Variants in KIRREL1 observed in about 807,000 individuals in gnomAD.
KIRREL1 encodes kirre like nephrin family adhesion molecule 1, also known as kin of IRRE-like protein 1.
Under a neutral mutation model 83.3 loss-of-function variants are expected in KIRREL1, and 25 were observed. That is an observed-to-expected ratio of 0.30 (90% CI 0.22 to 0.42). The LOEUF (loss-of-function observed/expected upper bound fraction) is 0.42, where lower values mean the gene tolerates loss of function less well. KIRREL1 is among the 10% of genes least tolerant of loss of function. The pLI, the probability that KIRREL1 is intolerant of heterozygous loss-of-function variation, is 1.00. For synonymous variants in KIRREL1, 388 were observed against 410.4 expected, an observed-to-expected ratio of 0.95 and a Z score of 0.66; for missense variants, 812 against 1,032.3, an observed-to-expected ratio of 0.79 and a Z score of 2.92.
In KIRREL1 at chr1:158,096,999, GGACCAGATAA is replaced by G; in HGVS notation, c.*1880_*1889del. Reference sequence around the variant, plus strand: ...ATTCCTGGCCAACCCCTTGTAGGAAGGACCAGATAATACCCAGGAAGCAAGTAGCTCTAAT... The same window carrying G: ...ATTCCTGGCCAACCCCTTGTAGGAAGTACCCAGGAAGCAAGTAGCTCTAAT... On this transcript the variant is annotated 3_prime_UTR_variant, in exon 15 of 15. Transcript: ENST00000359209. 1 of 456,926 alleles carries G rather than the reference GGACCAGATAA, an allele frequency of 2.2e-6. No homozygotes were observed. The highest frequency in any genetic ancestry group is 4.4e-6 in the Non-Finnish European group (1 of 227,018). The allele number at this position is 456,926 out of a possible 1,614,324, so 28.3% of individuals were successfully genotyped here.
At chr1:158,014,739 C>T (rs1035124119) in intron 1 of KIRREL1, among the ~76,000 whole-genome samples, 1 of 149,994 alleles carries the variant, frequency 6.7e-6, no homozygotes, top group Non-Finnish European at 1.5e-5. Flanking sequence ...AACTTCTTGA[C>T]GCTGAATTGC....
At chr1:158,077,594 C>T (rs533157211) in intron 2 of KIRREL1, among the ~76,000 whole-genome samples, 1 of 152,294 alleles carries the variant, frequency 6.6e-6, no homozygotes, top group East Asian at 1.9e-4. Context: ...CAGAGGTGCT[C>T]CCATGAGCTC....
Position 158,080,000 on chromosome 1 carries a change from C to A in KIRREL1, c.352+1860C>A, listed in dbSNP as rs574420999. Among the ~76,000 whole-genome samples the A allele has an allele frequency of 2.1e-4, 32 of 152,156 alleles. No homozygotes were observed. The South Asian group carries it at 6.7e-3, about 32-fold the overall frequency. ...GATGATTTGCTTTTCCTCTCTAGGACTAAAATGGAAAGAATTAGCAAGGAG... is the reference window on the plus strand; with the variant it reads ...GATGATTTGCTTTTCCTCTCTAGGAATAAAATGGAAAGAATTAGCAAGGAG... On this transcript the variant is annotated intron_variant, in intron 3 of 14. Coordinates refer to ENST00000359209, the MANE Select transcript of KIRREL1 (RefSeq NM_018240.7).
intron 1 of KIRREL1, among the ~76,000 whole-genome samples, chr1:158,072,229 G>A (rs985960383): frequency 6.6e-6 from 1 of 152,070 alleles, no homozygotes; most frequent in African/African-American, 2.4e-5. Context: ...CTCTACCTCG[G>A]TGGAAGTCTG....
intron 1 of KIRREL1, among the ~76,000 whole-genome samples, chr1:158,069,947 G>A (rs1558009939): frequency 2.6e-5 from 4 of 152,202 alleles, no homozygotes; most frequent in Admixed American, 2.0e-4. Flanking sequence ...GTGGCCTGAA[G>A]GTTGGTGCTT....
At chr1:158,003,569 C>G (rs1659428455) in intron 1 of KIRREL1, among the ~76,000 whole-genome samples, 2 of 152,152 alleles carry the variant, frequency 1.3e-5, no homozygotes, top group Non-Finnish European at 2.9e-5. Context: ...ATGCCTGACC[C>G]TCCCACACAC....
intron 1 of KIRREL1, among the ~76,000 whole-genome samples, chr1:158,016,630 A>C (rs1353230817): frequency 6.6e-6 from 1 of 152,186 alleles, no homozygotes; most frequent in Non-Finnish European, 1.5e-5. Flanking sequence ...TTGGTCTGCT[A>C]TTTAAATGAG....
intron 3 of KIRREL1, among the ~76,000 whole-genome samples, chr1:158,080,729 G>C (rs1474509735): frequency 6.6e-6 from 1 of 152,128 alleles, no homozygotes; most frequent in Admixed American, 6.5e-5. Flanking sequence ...TGTGACCTTA[G>C]AGGGGCCTGA....
intron 1 of KIRREL1, among the ~76,000 whole-genome samples, chr1:158,044,388 G>A (rs1047473536): frequency 3.9e-4 from 59 of 152,098 alleles, no homozygotes; most frequent in African/African-American, 1.3e-3. Context: ...AATGAGAAGC[G>A]GACAAACTGG....
chr1:158,012,314 A>T (rs1659711333), intron 1 of KIRREL1, among the ~76,000 whole-genome samples: 1 of 152,180 alleles, frequency 6.6e-6, no homozygotes, highest in Non-Finnish European at 1.5e-5. Context: ...TGGAAAAAAG[A>T]GCAAGATCTG....
At chr1:158,022,734 G>A (rs889178002) in intron 1 of KIRREL1, among the ~76,000 whole-genome samples, 13 of 152,118 alleles carry the variant, frequency 8.5e-5, no homozygotes, top group African/African-American at 2.9e-4. Flanking sequence ...TAACTTAATC[G>A]GAAGGGCGGG....
At chr1:158,007,180 T>A (rs769512291) in intron 1 of KIRREL1, among the ~76,000 whole-genome samples, 2 of 152,232 alleles carry the variant, frequency 1.3e-5, no homozygotes, top group Non-Finnish European at 2.9e-5. Context: ...GGTTCCCATC[T>A]TCCCCAGTGT....
chr1:158,093,105 A>T (rs2101647002), intron 11 of KIRREL1, among the ~76,000 whole-genome samples: 1 of 152,268 alleles, frequency 6.6e-6, no homozygotes, highest in Non-Finnish European at 1.5e-5. Flanking sequence ...CATGACCATG[A>T]TCTCCATTCT....
At chr1:158,036,036 G>A (rs1422263573) in intron 1 of KIRREL1, among the ~76,000 whole-genome samples, 2 of 152,170 alleles carry the variant, frequency 1.3e-5, no homozygotes, top group African/African-American at 2.4e-5. Flanking sequence ...GAACCAGAGT[G>A]TGGACAGATA....
chr1:158,026,441 C>A (rs1660176201), intron 1 of KIRREL1, among the ~76,000 whole-genome samples: 1 of 152,260 alleles, frequency 6.6e-6, no homozygotes, highest in South Asian at 2.1e-4. Flanking sequence ...TGAGAACATG[C>A]AGGAGATGGG....
intron 4 of KIRREL1, among the ~76,000 whole-genome samples, chr1:158,085,582 C>A (rs1340635605): frequency 6.6e-6 from 1 of 152,168 alleles, no homozygotes; most frequent in Non-Finnish European, 1.5e-5. Flanking sequence ...TGTCATCTAC[C>A]CCCATTTTTC....
intron 1 of KIRREL1, among the ~76,000 whole-genome samples, chr1:158,013,903 G>T (rs1013781503): frequency 6.6e-6 from 1 of 152,152 alleles, no homozygotes; most frequent in Non-Finnish European, 1.5e-5. Context: ...GTGGTCCCTG[G>T]AGGATTTTAG....
intron 1 of KIRREL1, among the ~76,000 whole-genome samples, chr1:158,010,028 C>G (rs191569188): frequency 2.6e-5 from 4 of 152,094 alleles, no homozygotes. Flanking sequence ...GTGACCTGGG[C>G]CTATTTTCTT....
chr1:158,028,586 A>G (rs6661160), intron 1 of KIRREL1, among the ~76,000 whole-genome samples: 125,425 of 151,832 alleles, frequency 0.83, 52,912 homozygotes, highest in Non-Finnish European at 0.91. Context: ...CTGAGGCTGG[A>G]AAGCCCAGGA....
Sources: gnomAD v4.1 joint callset for allele counts (sites outside exome capture counted in the v4.1 genomes callset) on GRCh38, gnomAD v4.1.1 for gene constraint, MANE v1.5 for transcripts, NCBI Gene and HGNC (gene_info 2026-07-23, HGNC 2026-07-21) for gene names.